FBXL17: variants seen among roughly 807,000 people sequenced by gnomAD.
FBXL17 encodes F-box and leucine rich repeat protein 17, also known as F-box/LRR-repeat protein 17.
FBXL17 carries 22 observed loss-of-function variants against 66.2 expected under a neutral mutation model. The ratio of observed to expected loss-of-function variants is 0.33; its 90% CI spans 0.24 to 0.47. The LOEUF is 0.47. Among genes scored for constraint, FBXL17 ranks in the 20% least tolerant of loss-of-function variants. FBXL17 has a pLI of 1.00. For missense variants in FBXL17, 878 were observed against 948.2 expected, an observed-to-expected ratio of 0.93 and a Z score of 0.97; for synonymous variants, 474 against 400.5, an observed-to-expected ratio of 1.18 and a Z score of -2.19.
chr5:108,163,942 A>G (rs954957816), intron 6 of FBXL17, among the ~76,000 whole-genome samples: 5 of 152,176 alleles, frequency 3.3e-5, no homozygotes, highest in African/African-American at 1.2e-4. Context: ...GTCATCTAAA[A>G]CCTGGCAATA....
intron 5 of FBXL17, among the ~76,000 whole-genome samples, chr5:108,191,446 A>C (rs144242798): frequency 1.3e-5 from 2 of 152,228 alleles, no homozygotes; most frequent in East Asian, 3.8e-4. Flanking sequence ...AAAATATCAC[A>C]TATCAACAAG....
Position 108,182,542 on chromosome 5 carries a change from A to C in FBXL17, c.1745+3575T>G, listed in dbSNP as rs549319624. ...AAAACCTAAAAGAGCTTGATCTTTA[A>C]AACTCTATTGCTCAACCTCATTAAA... On this transcript the variant is annotated intron_variant, in intron 6 of 8. Transcript: ENST00000542267. Among the ~76,000 whole-genome samples, 11 of 152,350 alleles carry C rather than the reference A, an allele frequency of 7.2e-5. No homozygotes were observed. In the East Asian group the frequency reaches 2.1e-3, roughly 29 times the overall value.
intron 4 of FBXL17, among the ~76,000 whole-genome samples, chr5:108,333,321 A>C (rs1295728232): frequency 3.9e-5 from 6 of 152,046 alleles, no homozygotes; most frequent in African/African-American, 1.4e-4. Flanking sequence ...AGAAGATGTA[A>C]GGTTACCTGA....
chr5:108,138,732 GA>G (rs898053939), intron 6 of FBXL17, among the ~76,000 whole-genome samples: 2 of 152,112 alleles, frequency 1.3e-5, no homozygotes, highest in African/African-American at 4.8e-5. Flanking sequence ...GGAGACATTG[GA>G]AATACAAAGA....
intron 7 of FBXL17, among the ~76,000 whole-genome samples, chr5:107,991,322 C>T (rs17160820): frequency 0.018 from 2,745 of 152,216 alleles, 81 homozygotes; most frequent in African/African-American, 0.063. Flanking sequence ...AAGAGAGCTG[C>T]TTTAGTTCCC....
At chr5:108,154,945 G>A (rs1465721075) in intron 6 of FBXL17, among the ~76,000 whole-genome samples, 3 of 151,576 alleles carry the variant, frequency 2.0e-5, no homozygotes, top group African/African-American at 7.3e-5. Flanking sequence ...AGATTAACAA[G>A]AAATCAGGCC....
At position 108,364,886 on chromosome 5, in the gene FBXL17, A is replaced by T. The variant is rs1228808978; in HGVS notation, c.1226T>A (p.Phe409Tyr). The change falls in exon 3 of 9, where the codon TTT becomes TAT. Residue 409 changes from phenylalanine (F) to tyrosine (Y), a missense_variant. Physicochemically the swap from Phe to Tyr is conservative, Grantham distance 22. Around this residue, in one of 4 missense-constraint regions of FBXL17, gnomAD observed 236 missense variants for 389.1 expected, o/e 0.61. Transcript: ENST00000542267. ...ATACCTAAGAAGTCCAGGACATTTAAATGCTAAAACACATACGCCATTATC... is the reference window on the plus strand; with the variant it reads ...ATACCTAAGAAGTCCAGGACATTTATATGCTAAAACACATACGCCATTATC... The part of the protein sequence containing the change: ...MSDNGVCVLA[F>Y]KCPGLLRYTA... 1.9e-6 allele frequency: 3 copies of T among 1,613,046 alleles called. No individual in the cohort carries two copies. The highest frequency in any genetic ancestry group is 1.3e-5 in the African/African-American group (1 of 74,860).
intron 6 of FBXL17, among the ~76,000 whole-genome samples, chr5:108,036,872 T>C (rs2112795180): frequency 6.6e-6 from 1 of 152,292 alleles, no homozygotes; most frequent in East Asian, 1.9e-4. Flanking sequence ...CTACTTTTGT[T>C]AAGAATATTT....
chr5:108,082,117 G>T (rs932230512), intron 6 of FBXL17, among the ~76,000 whole-genome samples: 1 of 151,992 alleles, frequency 6.6e-6, no homozygotes, highest in Non-Finnish European at 1.5e-5. Flanking sequence ...ATGACCTTTG[G>T]AAAGTTACTC....
At chr5:107,964,382 A>G (rs1752036561) in intron 7 of FBXL17, among the ~76,000 whole-genome samples, 1 of 151,766 alleles carries the variant, frequency 6.6e-6, no homozygotes, top group East Asian at 1.9e-4. Context: ...TATTATTTAG[A>G]GAATAAACAT....
chr5:108,319,357 A>G (rs1321350642), intron 4 of FBXL17, among the ~76,000 whole-genome samples: 1 of 151,852 alleles, frequency 6.6e-6, no homozygotes, highest in Non-Finnish European at 1.5e-5. Flanking sequence ...TAAATATCTT[A>G]TTTCTTGAAT....
At chr5:108,071,503 G>T (rs1748330104) in intron 6 of FBXL17, among the ~76,000 whole-genome samples, 1 of 152,142 alleles carries the variant, frequency 6.6e-6, no homozygotes, top group African/African-American at 2.4e-5. Flanking sequence ...TCTCAATCCA[G>T]ATCTAAGTTG....
chr5:108,159,952 C>G (rs1356629434), intron 6 of FBXL17, among the ~76,000 whole-genome samples: 1 of 151,972 alleles, frequency 6.6e-6, no homozygotes, highest in East Asian at 1.9e-4. Flanking sequence ...TACACTTTCT[C>G]TATATGTAAA....
intron 4 of FBXL17, among the ~76,000 whole-genome samples, chr5:108,291,936 A>G (rs1758129123): frequency 6.6e-6 from 1 of 152,086 alleles, no homozygotes. Context: ...CCCTCAGTTC[A>G]GGTGGTCATC....
intron 6 of FBXL17, among the ~76,000 whole-genome samples, chr5:108,126,651 C>CTATATATATATACATATATATATA (rs1750719481): frequency 9.3e-6 from 1 of 108,042 alleles, no homozygotes; most frequent in Non-Finnish European, 2.0e-5. Context: ...CTCTCTCTCT[C>CTATATATATATACATATATATATA]TATATATATA....
chr5:108,192,655 G>A (rs906432039), intron 5 of FBXL17, among the ~76,000 whole-genome samples: 1 of 152,130 alleles, frequency 6.6e-6, no homozygotes, highest in Non-Finnish European at 1.5e-5. Context: ...AGCCAGGCAT[G>A]GTCAGGCGTA....
At chr5:108,360,623 TC>T (rs1272773454) in intron 3 of FBXL17, among the ~76,000 whole-genome samples, 2 of 152,138 alleles carry the variant, frequency 1.3e-5, no homozygotes, top group African/African-American at 4.8e-5. Context: ...TAGATGCGTA[TC>T]TTCCACCAAA....
intron 4 of FBXL17, among the ~76,000 whole-genome samples, chr5:108,243,208 T>C (rs1561484692): frequency 6.6e-6 from 1 of 152,174 alleles, no homozygotes; most frequent in Admixed American, 6.6e-5. Flanking sequence ...CAGAGATCTG[T>C]CCCTATTAAA....
In FBXL17 at chr5:108,380,793, C is replaced by G; in HGVS notation, c.899G>C (p.Cys300Ser). The change falls in exon 1 of 9, where the codon TGT (cysteine) becomes TCT (serine). Residue 300 changes from cysteine (C) to serine (S), a missense_variant. Around this residue, in one of 4 missense-constraint regions of FBXL17, gnomAD observed 605 missense variants for 509.5 expected, o/e 1.19. Transcript: ENST00000542267. ...GCAGGGGTTTTCGGGGGACTCCCGA[C>G]AGTCCGCGTCGCCACATTCATGCTG... ...QQQHECGDAD[C>S]RESPENPCDC... is the part of the protein sequence containing the mutation. 8.0e-7 allele frequency: 1 copy of G among 1,247,990 alleles called. No individual in the cohort carries two copies. Among genetic ancestry groups the G allele is most frequent in the Non-Finnish European group, 1.0e-6 (1 of 987,910 alleles). The allele number at this position is 1,247,990 out of a possible 1,614,324, so 77.3% of individuals were successfully genotyped here.
Sources: gnomAD v4.1 joint callset for allele counts (sites outside exome capture counted in the v4.1 genomes callset) on GRCh38, gnomAD v4.1.1 for gene constraint, gnomAD v4.1.1 regional missense constraint, MANE v1.5 for transcripts, NCBI Gene and HGNC (gene_info 2026-07-23, HGNC 2026-07-21) for gene names.